CFD: variants seen among roughly 807,000 people sequenced by gnomAD.
CFD encodes the protein complement factor D, also known as C3 convertase activator.
Under a neutral mutation model 21.1 loss-of-function variants are expected in CFD, and 24 were observed. That is an observed-to-expected ratio of 1.14 (90% CI 0.82 to 1.60). CFD has a LOEUF of 1.60. Among genes scored for constraint, CFD ranks in the 40% most tolerant of loss-of-function variants. The probability of loss-of-function intolerance (pLI) is 0.00; values close to 1 mark genes in which losing one functional copy is unlikely to be tolerated. For synonymous variants in CFD, 242 were observed against 175.9 expected (o/e 1.38, Z -2.97); for missense variants, 535 against 383.3 (o/e 1.40, Z -3.31).
rs1231536567 is a variant in CFD, at chr19:861,696, C to T, written c.358-3C>T. On this transcript the variant is annotated splice_region_variant and splice_polypyrimidine_tract_variant and intron_variant, in intron 3 of 4. Transcript: ENST00000327726. ...CAACCCTGACGTCCGCCTCCACCCT[C>T]AGCTGTCGGAGAAGGCCACACTGGG... 1.3e-6 allele frequency: 2 copies of T among 1,599,012 alleles called. No homozygotes were observed. Among genetic ancestry groups the T allele is most frequent in the African/African-American group, 1.3e-5 (1 of 74,590 alleles).
chr19:862,702 AGTGGGGACTGAGCAGAGCAG>A (rs1463945484), intron 4 of CFD, among the ~76,000 whole-genome samples: 1 of 150,724 alleles, frequency 6.6e-6, no homozygotes, highest in Non-Finnish European at 1.5e-5. Context: ...GCCTGAGGTG[AGTGGGGACTGAGCAGAGCAG>A]GTGGCCACTG....
chr19:861,900 G>C lies in CFD; in HGVS notation c.559G>C (p.Gly187Arg). The C allele has an allele frequency of 6.3e-7, 1 of 1,580,934 alleles. No homozygotes were observed. The highest frequency in any genetic ancestry group is 2.3e-5 in the East Asian group (1 of 43,748). Reference protein sequence around the residue: ...ATCNRRTHHDGAITERLMCAE... With the variant: ...ATCNRRTHHDRAITERLMCAE... ...CTGCAACCGGCGCACGCACCACGAC[G>C]GCGCCATCACCGAGCGCTTGATGTG... Residue 187 changes from glycine to arginine, a missense_variant, in exon 4 of 5, where the codon GGC becomes CGC. Physicochemically the swap from Gly to Arg is moderately radical, Grantham distance 125. Transcript: ENST00000327726.
At chr19:862,006 G>A in intron 4 of CFD, 50 bp downstream of exon 4, 3 of 1,508,932 alleles carry the variant, frequency 2.0e-6, no homozygotes, top group African/African-American at 2.8e-5. Flanking sequence ...GCCCCGGGAA[G>A]GGCCTGCAGA....
chr19:861,717 C>G lies in CFD; in HGVS notation c.376C>G (p.Leu126Val), dbSNP rs2035796746. The change falls in exon 4 of 5, where the codon CTG (leucine) becomes GTG (valine). Residue 126 changes from leucine (L) to valine (V), a missense_variant. Coordinates refer to ENST00000327726, the MANE Select transcript of CFD (RefSeq NM_001928.4). The part of the protein sequence containing the change: ...LLLQLSEKAT[L>V]GPAVRPLPWQ... ...CCCTCAGCTGTCGGAGAAGGCCACA[C>G]TGGGCCCTGCTGTGCGCCCCCTGCC... is the stretch of plus-strand genomic sequence containing the variant. 6.2e-7 allele frequency: 1 copy of G among 1,603,460 alleles called. No homozygotes were observed. The highest frequency in any genetic ancestry group is 1.3e-5 in the African/African-American group (1 of 74,704).
At chr19:862,569 G>A (rs539418053) in intron 4 of CFD, among the ~76,000 whole-genome samples, 4 of 151,742 alleles carry the variant, frequency 2.6e-5, no homozygotes, top group African/African-American at 9.7e-5. Flanking sequence ...GGGCTGGTGC[G>A]GAGCGGGATC....
At chr19:862,245 A>C (rs2035809935) in intron 4 of CFD, among the ~76,000 whole-genome samples, 1 of 84,930 alleles carries the variant, frequency 1.2e-5, no homozygotes, top group Non-Finnish European at 2.2e-5. Context: ...CAGAAAGGGC[A>C]GGAACGGGTG....
intron 4 of CFD, 33 bp downstream of exon 4, chr19:861,989 C>T (rs769903398): frequency 4.5e-5 from 68 of 1,516,814 alleles, no homozygotes; most frequent in Non-Finnish European, 5.6e-5. Context: ...AGACGCGGGG[C>T]CTGCAGGCCC....
Position 859,715 on chromosome 19 carries a change from T to C in CFD, c.26T>C (p.Val9Ala), listed in dbSNP as rs1190453427. The change falls in exon 1 of 5, where the codon GTT (valine) becomes GCT (alanine). Residue 9 changes from valine (V) to alanine (A), a missense_variant. Transcript: ENST00000327726. The part of the protein sequence containing the change: MHSWERLA[V>A]LVLLGAAACA... ...ATGCACAGCTGGGAGCGCCTGGCAG[T>C]TCTGGTCCTCCTAGGAGCGGCCGCC... 6.3e-7 allele frequency: 1 copy of C among 1,575,238 alleles called. No homozygotes were observed. The highest frequency in any genetic ancestry group is 1.3e-5 in the African/African-American group (1 of 74,296).
Position 863,079 on chromosome 19 carries a change from C to T in CFD, c.616-13C>T, listed in dbSNP as rs541187205. On this transcript the variant is annotated splice_polypyrimidine_tract_variant and intron_variant, in intron 4 of 4. Transcript: ENST00000327726. The stretch of plus-strand genomic sequence containing the variant: ...CGCGGGCCGCCCCTCACGGCCCCGT[C>T]CTGTTCCGGCAGGGTGACTCCGGGG... 7.9e-6 allele frequency: 12 copies of T among 1,517,894 alleles called. No homozygotes were observed. The African/African-American group carries it at 1.5e-4, about 19-fold the overall frequency. The allele number at this position is 1,517,894 out of a possible 1,614,324, so 94.0% of individuals were successfully genotyped here.
chr19:861,654 C>G, intron 3 of CFD, 45 bp from the exon 4 acceptor site: 1 of 1,560,580 alleles, frequency 6.4e-7, no homozygotes, highest in South Asian at 1.2e-5. Context: ...TCTCCCCAGC[C>G]TCGCACCCCC....
Position 863,375 on chromosome 19 carries a change from G to A in CFD, c.*137G>A. On this transcript the variant is annotated 3_prime_UTR_variant, in exon 5 of 5. Coordinates refer to ENST00000327726, the MANE Select transcript of CFD (RefSeq NM_001928.4). ...GGAGGCCGAGGTGGGAGGATCATTGGATCTCAGGAGTTCGAGATCAGCATG... is the reference window on the plus strand; with the variant it reads ...GGAGGCCGAGGTGGGAGGATCATTGAATCTCAGGAGTTCGAGATCAGCATG... 2 of 1,050,090 alleles carry A rather than the reference G, an allele frequency of 1.9e-6. No homozygotes were observed. Among genetic ancestry groups the A allele is most frequent in the South Asian group, 1.4e-5 (1 of 73,018 alleles). 65.0% of individuals were successfully genotyped at this position (1,050,090 alleles called of 1,614,324 possible).
chr19:863,502 T>C lies in CFD; in HGVS notation c.*264T>C, dbSNP rs1334857702. The C allele has an allele frequency of 1.1e-5, 6 of 530,100 alleles. No individual in the cohort carries two copies. In the East Asian group the frequency reaches 1.7e-4, roughly 15 times the overall value. The allele number at this position is 530,100 out of a possible 1,614,324, so 32.8% of individuals were successfully genotyped here. On this transcript the variant is annotated 3_prime_UTR_variant, in exon 5 of 5. Coordinates refer to ENST00000327726, the MANE Select transcript of CFD (RefSeq NM_001928.4). ...TTGTAGTTCCAGCTACTCAGGAGGC[T>C]GAGGTGGGAGGATGACTTGAACGCA... is the stretch of plus-strand genomic sequence containing the variant.
rs775678644 is a variant in CFD, at chr19:861,992, G to T, written c.615+36G>T. The T allele has an allele frequency of 9.9e-6, 15 of 1,516,242 alleles. No homozygotes were observed. The East Asian group carries it at 1.2e-4, about 12-fold the overall frequency. 93.9% of individuals were successfully genotyped at this position (1,516,242 alleles called of 1,614,324 possible). Reference sequence around the variant, plus strand: ...AGGCCTGGGAGGAGACGCGGGGCCTGCAGGCCCCGGGAAGGGCCTGCAGAG... The same window carrying T: ...AGGCCTGGGAGGAGACGCGGGGCCTTCAGGCCCCGGGAAGGGCCTGCAGAG... On this transcript the variant is annotated intron_variant, in intron 4 of 4. Coordinates refer to ENST00000327726, the MANE Select transcript of CFD (RefSeq NM_001928.4).
At chr19:860,310 C>T (rs1361168365) in intron 1 of CFD, among the ~76,000 whole-genome samples, 2 of 151,978 alleles carry the variant, frequency 1.3e-5, no homozygotes, top group Admixed American at 1.3e-4. Context: ...CCTGCCTCAG[C>T]CTTCCGAATA....
chr19:863,038 G>T lies in CFD; in HGVS notation c.616-54G>T, dbSNP rs10407668. 1,638 of 1,470,134 alleles carry T rather than the reference G, an allele frequency of 1.1e-3. 14 individuals carry two copies. In the African/African-American group the frequency reaches 0.018, roughly 16 times the overall value. 91.1% of individuals were successfully genotyped at this position (1,470,134 alleles called of 1,614,324 possible). ...GCAGCCAGGTGAGGGGGTCTAACAC[G>T]TGAGGCCGGGGTGGGCGCGGGCCGC... On this transcript the variant is annotated intron_variant, in intron 4 of 4. Coordinates refer to ENST00000327726, the MANE Select transcript of CFD (RefSeq NM_001928.4).
At chr19:861,636 A>T in intron 3 of CFD, 63 bp from the exon 4 acceptor site, 1 of 1,524,672 alleles carries the variant, frequency 6.6e-7, no homozygotes, top group East Asian at 2.5e-5. Context: ...CCCCGAGCCT[A>T]GCGGCATTCT....
intron 3 of CFD, among the ~76,000 whole-genome samples, chr19:861,399 C>T (rs867166141): frequency 8.5e-6 from 1 of 117,236 alleles, no homozygotes; most frequent in Non-Finnish European, 2.0e-5. Flanking sequence ...CCCCCGCACC[C>T]TCACCCCGGG....
In CFD at chr19:863,536, A is replaced by G; in HGVS notation, c.*298A>G. 5 of 454,820 alleles carry G rather than the reference A, an allele frequency of 1.1e-5. No homozygotes were observed. The highest frequency in any genetic ancestry group is 8.9e-5 in the South Asian group (4 of 44,928). The allele number at this position is 454,820 out of a possible 1,614,324, so 28.2% of individuals were successfully genotyped here. The stretch of plus-strand genomic sequence containing the variant: ...AGGATGACTTGAACGCAGGAGGCTG[A>G]GGCTGCAGTGAGTTGTGATTGCACC... On this transcript the variant is annotated 3_prime_UTR_variant, in exon 5 of 5. Coordinates refer to ENST00000327726, the MANE Select transcript of CFD (RefSeq NM_001928.4).
intron 1 of CFD, 70 bp from the exon 2 acceptor site, chr19:860,547 G>A (rs1029438283): frequency 8.2e-6 from 11 of 1,345,180 alleles, no homozygotes; most frequent in Non-Finnish European, 9.5e-6. Context: ...TGAGAGCTGG[G>A]ATCCCGTCAG....
Sources: gnomAD v4.1 joint callset for allele counts (sites outside exome capture counted in the v4.1 genomes callset) on GRCh38, gnomAD v4.1.1 for gene constraint, MANE v1.5 for transcripts, NCBI Gene and HGNC (gene_info 2026-07-23, HGNC 2026-07-21) for gene names.